The following ZNF280D variants were observed in gnomAD, a reference collection of about 807,000 sequenced individuals.
ZNF280D encodes suppressor of hairy wing homolog 4.
A neutral mutation model predicts 94.7 loss-of-function variants in ZNF280D; 39 were observed. The observed-to-expected ratio is 0.41, with a 90% CI of 0.32 to 0.54. The LOEUF (loss-of-function observed/expected upper bound fraction) is 0.54. Ranked by LOEUF, ZNF280D falls within the 20% of genes least tolerant of loss-of-function variation. The pLI is 0.22. For missense variants in ZNF280D, 1,090 were observed against 1,149.3 expected (o/e 0.95, Z 0.75); for synonymous variants, 398 against 377.6 (o/e 1.05, Z -0.63).
intron 1 of ZNF280D, chr15:56,732,760 G>T (rs1184519219): frequency 6.6e-6 from 1 of 152,144 alleles, no homozygotes; most frequent in African/African-American, 2.4e-5. Context: ...TCCTTCCATC[G>T]CTGGAGCAGG....
chr15:56,689,147 G>A lies in ZNF280D; in HGVS notation c.674C>T (p.Thr225Ile), dbSNP rs2056258620. ...TSSQAMLAKG[T>I]NTSSNQSKNG... ...TTTAGACTGATTTGATGAGGTATTT[G>A]TACCTAAAATAAATTCAGAACATTT... is the stretch of plus-strand genomic sequence containing the variant. The change falls in exon 9 of 22, where the codon ACA becomes ATA. Residue 225 changes from threonine to isoleucine, a missense_variant. Around this residue, in one of 3 missense-constraint regions of ZNF280D, gnomAD observed 386 missense variants for 372.0 expected, o/e 1.04. Transcript: ENST00000267807. 2 of 1,603,072 alleles carry A rather than the reference G, an allele frequency of 1.2e-6. No individual in the cohort carries two copies. Among genetic ancestry groups the A allele is most frequent in the African/African-American group, 1.3e-5 (1 of 74,538 alleles).
At chr15:56,671,021 G>T (rs79705658) in intron 13 of ZNF280D, among the ~76,000 whole-genome samples, 2,033 of 151,768 alleles carry the variant, frequency 0.013, 43 homozygotes, top group African/African-American at 0.047. Context: ...TTTCTAATGG[G>T]GTTGGTTTCT....
At chr15:56,664,242 A>G (rs1370427463) in intron 16 of ZNF280D, among the ~76,000 whole-genome samples, 4 of 152,216 alleles carry the variant, frequency 2.6e-5, no homozygotes, top group African/African-American at 9.7e-5. Context: ...TCAAAAGGTA[A>G]AGAAATGAAT....
intron 10 of ZNF280D, among the ~76,000 whole-genome samples, chr15:56,682,042 T>C (rs1234435213): frequency 1.3e-4 from 20 of 152,048 alleles, no homozygotes; most frequent in African/African-American, 4.6e-4. Flanking sequence ...TCTTAAGCTA[T>C]GTGAAAGAAA....
chr15:56,655,963 C>A (rs1200463752), intron 17 of ZNF280D, among the ~76,000 whole-genome samples: 1 of 152,156 alleles, frequency 6.6e-6, no homozygotes. Context: ...GTCTATTGAA[C>A]TAGAATGCCC....
chr15:56,694,294 TACAC>T (rs57017142), intron 6 of ZNF280D, among the ~76,000 whole-genome samples: 31,684 of 138,106 alleles, frequency 0.23, 3,319 homozygotes, highest in Admixed American at 0.28. Flanking sequence ...TAATGACACA[TACAC>T]ACACACACAC....
At chr15:56,727,152 G>A (rs2058667167) in intron 1 of ZNF280D, among the ~76,000 whole-genome samples, 1 of 152,194 alleles carries the variant, frequency 6.6e-6, no homozygotes, top group African/African-American at 2.4e-5. Context: ...CAAGGGAAAA[G>A]AGTTGCTCTT....
intron 1 of ZNF280D, among the ~76,000 whole-genome samples, chr15:56,708,649 C>T (rs1480626792): frequency 6.6e-6 from 1 of 152,060 alleles, no homozygotes; most frequent in African/African-American, 2.4e-5. Context: ...GGTACTGGTA[C>T]CAAAACAGAG....
At position 56,661,595 on chromosome 15, in the gene ZNF280D, A is replaced by G. The variant is rs146557886; in HGVS notation, c.1995-3109T>C. ...ATACTAGCTTTCTTTTTCCTTGGAA[A>G]TTTTAAAAATCATCCCTCAAAGCCT... On this transcript the variant is annotated intron_variant, in intron 16 of 21. Transcript: ENST00000267807. 7.8e-4 allele frequency among the ~76,000 whole-genome samples: 119 copies of G among 152,278 alleles called. 1 individual carries two copies. The highest frequency in any genetic ancestry group is 4.8e-3 in the South Asian group (23 of 4,828).
chr15:56,697,790 CAA>C (rs1394525968), intron 6 of ZNF280D: 2 of 151,528 alleles, frequency 1.3e-5, no homozygotes, highest in African/African-American at 4.8e-5. Flanking sequence ...TTTAAAATAA[CAA>C]ACTCATTACA....
chr15:56,709,657 C>A (rs976057134), intron 1 of ZNF280D, among the ~76,000 whole-genome samples: 1 of 152,154 alleles, frequency 6.6e-6, no homozygotes, highest in South Asian at 2.1e-4. Context: ...GGCACATATA[C>A]ACCATGGAAT....
chr15:56,680,976 C>T (rs1395854885), intron 10 of ZNF280D, among the ~76,000 whole-genome samples: 1 of 152,196 alleles, frequency 6.6e-6, no homozygotes, highest in Non-Finnish European at 1.5e-5. Context: ...TACTGCAACA[C>T]TGTTTCAACG....
At chr15:56,710,666 A>C (rs1331581366) in intron 1 of ZNF280D, among the ~76,000 whole-genome samples, 1 of 152,122 alleles carries the variant, frequency 6.6e-6, no homozygotes, top group African/African-American at 2.4e-5. Context: ...TTCTATAAAA[A>C]AAATTAGAAA....
At chr15:56,643,797 A>G (rs568478403) in intron 19 of ZNF280D, among the ~76,000 whole-genome samples, 2 of 151,940 alleles carry the variant, frequency 1.3e-5, no homozygotes, top group South Asian at 2.1e-4. Context: ...ATTAATCAAG[A>G]GTTAAGTGAT....
At chr15:56,641,092 C>T (rs533663212) in intron 20 of ZNF280D, among the ~76,000 whole-genome samples, 2 of 151,490 alleles carry the variant, frequency 1.3e-5, no homozygotes, top group Admixed American at 6.6e-5. Context: ...TAAGCACTGC[C>T]CTCATAATTA....
At chr15:56,658,014 A>G (rs1308104880) in intron 17 of ZNF280D, among the ~76,000 whole-genome samples, 1 of 152,196 alleles carries the variant, frequency 6.6e-6, no homozygotes, top group Non-Finnish European at 1.5e-5. Context: ...TTTTGCAGCA[A>G]TTTTTAACAA....
At chr15:56,688,484 C>T (rs1164755296) in intron 9 of ZNF280D, among the ~76,000 whole-genome samples, 12 of 127,018 alleles carry the variant, frequency 9.4e-5, no homozygotes, top group Admixed American at 2.5e-4. Flanking sequence ...AGCGAGACTC[C>T]GTCTCAAAAA....
At chr15:56,646,047 T>C (rs1296366068) in intron 19 of ZNF280D, among the ~76,000 whole-genome samples, 1 of 152,188 alleles carries the variant, frequency 6.6e-6, no homozygotes, top group Non-Finnish European at 1.5e-5. Flanking sequence ...AGAAATGTAA[T>C]CTTTAAGAAT....
intron 3 of ZNF280D, among the ~76,000 whole-genome samples, chr15:56,706,805 T>G (rs2057430938): frequency 6.6e-6 from 1 of 152,180 alleles, no homozygotes; most frequent in Non-Finnish European, 1.5e-5. Context: ...TATAATTTTT[T>G]TAGAAATAAT....
Sources: allele counts gnomAD v4.1 joint callset (sites outside exome capture counted in the v4.1 genomes callset), GRCh38; gene constraint gnomAD v4.1.1; regional missense constraint gnomAD v4.1.1; transcripts MANE v1.5; gene names NCBI Gene and HGNC (gene_info 2026-07-23, HGNC 2026-07-21).